Variants in FMNL2 observed in about 807,000 individuals in gnomAD.
The protein encoded by FMNL2 is formin like 2, also known as formin-like protein 2.
A neutral mutation model predicts 130.2 loss-of-function variants in FMNL2; 51 were observed. The observed-to-expected ratio is 0.39, with a 90% confidence interval of 0.31 to 0.49. The LOEUF (loss-of-function observed/expected upper bound fraction) is 0.49. Ranked by LOEUF, FMNL2 falls within the 20% of genes least tolerant of loss-of-function variation. The pLI, the probability that FMNL2 is intolerant of heterozygous loss-of-function variation, is 0.85. For synonymous variants in FMNL2, 465 were observed against 467.1 expected (o/e 1.00, Z 0.06); for missense variants, 977 against 1,316.2 (o/e 0.74, Z 3.99).
intron 25 of FMNL2, among the ~76,000 whole-genome samples, chr2:152,646,582 C>A (rs933060570): frequency 1.4e-5 from 1 of 69,272 alleles, no homozygotes. Flanking sequence ...TGTACATGTG[C>A]GGGGGGTGGG....
intron 1 of FMNL2, among the ~76,000 whole-genome samples, chr2:152,454,320 G>T (rs1207983532): frequency 6.6e-6 from 1 of 152,122 alleles, no homozygotes; most frequent in East Asian, 1.9e-4. Flanking sequence ...GTTGGGAAAA[G>T]AATATGAAAT....
chr2:152,613,064 C>T (rs557490511), intron 11 of FMNL2, among the ~76,000 whole-genome samples: 1 of 152,178 alleles, frequency 6.6e-6, no homozygotes, highest in Non-Finnish European at 1.5e-5. Context: ...CTGGGCTGCC[C>T]TTGAATAGAT....
chr2:152,406,946 GACTTCATCCTGGCTCTGTCACTTTGT>G (rs902965905), intron 1 of FMNL2, among the ~76,000 whole-genome samples: 1 of 152,160 alleles, frequency 6.6e-6, no homozygotes, highest in African/African-American at 2.4e-5. Flanking sequence ...GAGTCACCCA[GACTTCATCCTGGCTCTGTCACTTTGT>G]AATCTTGAGA....
chr2:152,522,492 C>T (rs12619679), intron 2 of FMNL2, among the ~76,000 whole-genome samples: 58,799 of 151,974 alleles, frequency 0.39, 11,530 homozygotes, highest in East Asian at 0.56. Flanking sequence ...GGCTGTGTCC[C>T]CACTCAAATC....
At chr2:152,528,437 T>G (rs1693515803) in intron 2 of FMNL2, among the ~76,000 whole-genome samples, 1 of 152,176 alleles carries the variant, frequency 6.6e-6, no homozygotes, top group Non-Finnish European at 1.5e-5. Flanking sequence ...ATTTCTTCCT[T>G]TCCTCTCTTT....
intron 10 of FMNL2, among the ~76,000 whole-genome samples, chr2:152,610,622 G>A (rs781326865): frequency 6.6e-6 from 1 of 152,192 alleles, no homozygotes; most frequent in Non-Finnish European, 1.5e-5. Flanking sequence ...ACATGTGTTG[G>A]TAATTTATTG....
At chr2:152,429,752 T>G (rs914582740) in intron 1 of FMNL2, among the ~76,000 whole-genome samples, 4 of 152,172 alleles carry the variant, frequency 2.6e-5, no homozygotes, top group African/African-American at 4.8e-5. Context: ...ATTGACACAG[T>G]ATGATGGGGA....
At chr2:152,595,511 G>T (rs1697715478) in intron 9 of FMNL2, among the ~76,000 whole-genome samples, 1 of 152,136 alleles carries the variant, frequency 6.6e-6, no homozygotes, top group South Asian at 2.1e-4. Flanking sequence ...TAGAGACGGG[G>T]TTTTGCCATG....
rs150511253 is a variant in FMNL2, at chr2:152,649,588, C to G, written c.*1683C>G. The G allele has an allele frequency of 3.8e-3, 581 of 152,660 alleles. 3 individuals carry two copies. The highest frequency in any genetic ancestry group is 0.013 in the African/African-American group (546 of 41,546). 9.5% of individuals were successfully genotyped at this position (152,660 alleles called of 1,614,324 possible). ...CTTCGATTAAAAATAGCAATTTGAC[C>G]AAGTTGGACTTCCACTACAAAGCAG... is the stretch of plus-strand genomic sequence containing the variant. On this transcript the variant is annotated 3_prime_UTR_variant, in exon 26 of 26. Transcript: ENST00000288670.
chr2:152,502,517 T>C (rs190520173), intron 1 of FMNL2, among the ~76,000 whole-genome samples: 1 of 152,264 alleles, frequency 6.6e-6, no homozygotes, highest in East Asian at 1.9e-4. Flanking sequence ...TGAAACCATG[T>C]CTCTACTAAA....
chr2:152,635,535 A>G lies in FMNL2; in HGVS notation c.2681-892A>G, dbSNP rs183962172. Reference sequence around the variant, plus strand: ...AAAGTGAGAAGTGTGCATTAAAATGATGTATAACATAACCACATTGATTTA... The same window carrying G: ...AAAGTGAGAAGTGTGCATTAAAATGGTGTATAACATAACCACATTGATTTA... On this transcript the variant is annotated intron_variant, in intron 21 of 25. Coordinates refer to ENST00000288670, the MANE Select transcript of FMNL2 (RefSeq NM_052905.4). Among the ~76,000 whole-genome samples the G allele has an allele frequency of 3.3e-5, 5 of 152,382 alleles. No homozygotes were observed. The East Asian group carries it at 9.6e-4, about 29-fold the overall frequency.
chr2:152,509,541 T>C (rs577623346), intron 1 of FMNL2, among the ~76,000 whole-genome samples: 1 of 152,018 alleles, frequency 6.6e-6, no homozygotes, highest in East Asian at 1.9e-4. Flanking sequence ...TGGCAACCAA[T>C]ACGGTCACAT....
intron 6 of FMNL2, among the ~76,000 whole-genome samples, chr2:152,561,797 C>T (rs1049060215): frequency 6.6e-6 from 1 of 152,086 alleles, no homozygotes; most frequent in South Asian, 2.1e-4. Context: ...AGGCTGGTCT[C>T]GAACTCCTGA....
intron 1 of FMNL2, among the ~76,000 whole-genome samples, chr2:152,446,516 A>G (rs998510875): frequency 1.3e-5 from 2 of 152,138 alleles, no homozygotes; most frequent in African/African-American, 4.8e-5. Context: ...GAAATTTTAC[A>G]TAATAGGTTA....
chr2:152,623,198 C>T (rs10048775), intron 15 of FMNL2, among the ~76,000 whole-genome samples: 20,387 of 152,124 alleles, frequency 0.13, 1,615 homozygotes, highest in Middle Eastern at 0.24. Flanking sequence ...GAAGGTAGGA[C>T]GCCATTGGCA....
intron 1 of FMNL2, among the ~76,000 whole-genome samples, chr2:152,475,294 C>T (rs889457508): frequency 6.6e-6 from 1 of 152,030 alleles, no homozygotes; most frequent in African/African-American, 2.4e-5. Context: ...AGTTAGTTTG[C>T]CTGTGGATGA....
At chr2:152,610,975 A>G (rs1327406434) in intron 10 of FMNL2, among the ~76,000 whole-genome samples, 1 of 152,130 alleles carries the variant, frequency 6.6e-6, no homozygotes, top group Non-Finnish European at 1.5e-5. Flanking sequence ...TATTATAGCC[A>G]TCTGAGTGGG....
intron 1 of FMNL2, among the ~76,000 whole-genome samples, chr2:152,504,115 T>C (rs1579829238): frequency 6.6e-6 from 1 of 152,180 alleles, no homozygotes; most frequent in East Asian, 1.9e-4. Context: ...TGCTTGAACA[T>C]GGGAGGCGGA....
At chr2:152,483,640 C>A (rs1690654491) in intron 1 of FMNL2, among the ~76,000 whole-genome samples, 3 of 152,164 alleles carry the variant, frequency 2.0e-5, no homozygotes, top group Admixed American at 2.0e-4. Context: ...TGATGCTAAG[C>A]CCCAGGAAAA....
Sources: gnomAD v4.1 joint callset for allele counts (sites outside exome capture counted in the v4.1 genomes callset) on GRCh38, gnomAD v4.1.1 for gene constraint, MANE v1.5 for transcripts, NCBI Gene and HGNC (gene_info 2026-07-23, HGNC 2026-07-21) for gene names.